The following ERC1 variants were observed in gnomAD, a reference collection of about 807,000 sequenced individuals.
ERC1 encodes the protein ELKS/RAB6-interacting/CAST family member 1, also known as RAB6 interacting protein 2.
A neutral mutation model predicts 132.0 loss-of-function variants in ERC1; 56 were observed. The ratio of observed to expected loss-of-function variants is 0.42; its 90% confidence interval spans 0.34 to 0.53. The LOEUF (loss-of-function observed/expected upper bound fraction) is 0.53, where lower values mean the gene tolerates loss of function less well. Among genes scored for constraint, ERC1 ranks in the 20% least tolerant of loss-of-function variants. The pLI, the probability that ERC1 is intolerant of heterozygous loss-of-function variation, is 0.03. For synonymous variants in ERC1, 478 were observed against 476.1 expected (o/e 1.00, Z -0.05); for missense variants, 1,202 against 1,349.9 (o/e 0.89, Z 1.72).
rs550592507 is a variant in ERC1, at chr12:1,340,966, G to A, written c.2781-30867G>A. Among the ~76,000 whole-genome samples the A allele has an allele frequency of 5.4e-5, 8 of 149,002 alleles. No individual in the cohort carries two copies. The Admixed American group carries it at 5.4e-4, about 10-fold the overall frequency. ...TTTCATTCTAAGGGGTACATTGCCA[G>A]TATATTCTACCTTCTTCCAAAGGAA... is the stretch of plus-strand genomic sequence containing the variant. On this transcript the variant is annotated intron_variant, in intron 15 of 18. Transcript: ENST00000360905.
At chr12:1,205,762 G>A (rs1957301519) in intron 12 of ERC1, among the ~76,000 whole-genome samples, 1 of 152,040 alleles carries the variant, frequency 6.6e-6, no homozygotes, top group Admixed American at 6.6e-5. Flanking sequence ...TTGAGTTTTA[G>A]TATAAAAATT....
chr12:1,211,313 T>G (rs201806994), intron 12 of ERC1, among the ~76,000 whole-genome samples: 1 of 151,968 alleles, frequency 6.6e-6, no homozygotes, highest in East Asian at 1.9e-4. Context: ...CATGCCCGGC[T>G]AATTTTGTAT....
At chr12:1,418,629 TTCTTTCTTTC>T (rs1206855246) in intron 17 of ERC1, among the ~76,000 whole-genome samples, 22 of 101,880 alleles carry the variant, frequency 2.2e-4, no homozygotes, top group Non-Finnish European at 3.6e-4. Context: ...CTTTCTTTCT[TTCTTTCTTTC>T]TTTCTCTCTC....
intron 2 of ERC1, among the ~76,000 whole-genome samples, chr12:1,043,616 C>T (rs1318786355): frequency 6.6e-6 from 1 of 152,092 alleles, no homozygotes; most frequent in Non-Finnish European, 1.5e-5. Context: ...AAAGCTTTCC[C>T]TCATACCATA....
At chr12:1,393,123 C>A (rs753847823) in intron 16 of ERC1, among the ~76,000 whole-genome samples, 9 of 152,336 alleles carry the variant, frequency 5.9e-5, no homozygotes, top group Admixed American at 4.6e-4. Context: ...ACTGTATGTA[C>A]ACACAGGTGT....
intron 13 of ERC1, among the ~76,000 whole-genome samples, chr12:1,260,721 A>G (rs569890380): frequency 6.6e-6 from 1 of 152,342 alleles, no homozygotes; most frequent in Admixed American, 6.5e-5. Context: ...TGAGAGAGAT[A>G]TTTGCCGTCT....
chr12:1,283,756 A>T (rs751004728), intron 14 of ERC1, among the ~76,000 whole-genome samples: 1 of 152,210 alleles, frequency 6.6e-6, no homozygotes. Context: ...AAAAATCTGA[A>T]AGGTAGAGAT....
At chr12:1,363,267 T>C (rs184714556) in intron 15 of ERC1, among the ~76,000 whole-genome samples, 2 of 152,338 alleles carry the variant, frequency 1.3e-5, no homozygotes, top group East Asian at 3.9e-4. Context: ...AGAGGCTTTA[T>C]AGCAGAGGTC....
intron 18 of ERC1, among the ~76,000 whole-genome samples, chr12:1,450,215 G>A (rs555724337): frequency 1.1e-4 from 16 of 151,780 alleles, no homozygotes; most frequent in South Asian, 4.2e-4. Context: ...AAATTTTTAC[G>A]TGCACAGTTC....
intron 13 of ERC1, among the ~76,000 whole-genome samples, chr12:1,258,952 C>T (rs992053623): frequency 1.3e-5 from 2 of 152,170 alleles, no homozygotes; most frequent in African/African-American, 2.4e-5. Flanking sequence ...TCACAGTAAA[C>T]AGTTAACTTA....
chr12:1,430,190 G>A (rs538264286), intron 17 of ERC1: 2 of 152,222 alleles, frequency 1.3e-5, no homozygotes, highest in South Asian at 4.1e-4. Context: ...CACCCAAAAT[G>A]AGTGATCCAA....
intron 18 of ERC1, among the ~76,000 whole-genome samples, chr12:1,461,656 A>G (rs749386133): frequency 6.6e-6 from 1 of 152,170 alleles, no homozygotes; most frequent in Non-Finnish European, 1.5e-5. Flanking sequence ...GACAAGAGCG[A>G]AACTCTGTCT....
At chr12:1,419,436 G>A (rs1253066973) in intron 17 of ERC1, among the ~76,000 whole-genome samples, 2 of 149,162 alleles carry the variant, frequency 1.3e-5, no homozygotes, top group African/African-American at 5.0e-5. Flanking sequence ...AGTGTAAGAA[G>A]CCTCCAAGAG....
chr12:1,131,171 A>G (rs890750663), intron 7 of ERC1, among the ~76,000 whole-genome samples: 3 of 152,186 alleles, frequency 2.0e-5, no homozygotes, highest in African/African-American at 7.2e-5. Context: ...GGGGCCAGGA[A>G]TAAAGATTTG....
At chr12:1,468,551 G>A (rs1249415813) in intron 18 of ERC1, among the ~76,000 whole-genome samples, 1 of 152,040 alleles carries the variant, frequency 6.6e-6, no homozygotes, top group African/African-American at 2.4e-5. Context: ...GCAGTGAGCT[G>A]AGATCATGCC....
At chr12:1,117,001 C>T (rs1166490936) in intron 7 of ERC1, among the ~76,000 whole-genome samples, 2 of 152,102 alleles carry the variant, frequency 1.3e-5, no homozygotes, top group African/African-American at 2.4e-5. Flanking sequence ...GCTAAATAAT[C>T]CCAGATCGAT....
intron 15 of ERC1, among the ~76,000 whole-genome samples, chr12:1,308,210 G>A (rs1170279747): frequency 6.7e-6 from 1 of 150,030 alleles, no homozygotes; most frequent in Admixed American, 6.7e-5. Context: ...TGTTACTATT[G>A]TTATTATTAT....
At chr12:1,393,881 TG>T (rs1271599410) in intron 16 of ERC1, among the ~76,000 whole-genome samples, 4 of 150,730 alleles carry the variant, frequency 2.7e-5, no homozygotes, top group African/African-American at 4.9e-5. Context: ...CCAAGTGTGG[TG>T]GCGGGCGCCT....
Position 1,049,402 on chromosome 12 carries a change from A to G in ERC1, c.669+20830A>G, listed in dbSNP as rs577287519. Among the ~76,000 whole-genome samples the G allele has an allele frequency of 1.4e-4, 21 of 152,268 alleles. No homozygotes were observed. In the South Asian group the frequency reaches 3.5e-3, roughly 26 times the overall value. ...CATATTGGTATCACTGAGAAACTTA[A>G]AAAACAAACAAACCAAAACCTGATG... On this transcript the variant is annotated intron_variant, in intron 2 of 18. Transcript: ENST00000360905.
Sources: gnomAD v4.1 joint callset for allele counts (sites outside exome capture counted in the v4.1 genomes callset) on GRCh38, gnomAD v4.1.1 for gene constraint, MANE v1.5 for transcripts, NCBI Gene and HGNC (gene_info 2026-07-23, HGNC 2026-07-21) for gene names.